The following ETFA variants were observed in gnomAD, a reference collection of about 807,000 sequenced individuals.
The protein encoded by ETFA is electron transfer flavoprotein subunit alpha.
In ETFA, 22 loss-of-function variants were observed where a neutral mutation model predicts 46.2. The observed-to-expected ratio is 0.48, with a 90% confidence interval of 0.34 to 0.68. ETFA has a LOEUF of 0.68. ETFA is among the 30% of genes least tolerant of loss of function. The pLI, the probability that ETFA is intolerant of heterozygous loss-of-function variation, is 0.01. For synonymous variants in ETFA, 131 were observed against 139.9 expected (o/e 0.94, Z 0.45); for missense variants, 345 against 401.1 (o/e 0.86, Z 1.19).
chr15:76,259,823 G>A, intron 9 of ETFA: 1 of 1,561,682 alleles, frequency 6.4e-7, no homozygotes, highest in Non-Finnish European at 8.8e-7. Flanking sequence ...CCGGATCAGG[G>A]TAAAGGGGTT....
At chr15:76,303,966 A>G (rs1185338170) in intron 1 of ETFA, among the ~76,000 whole-genome samples, 1 of 152,246 alleles carries the variant, frequency 6.6e-6, no homozygotes, top group African/African-American at 2.4e-5. Context: ...GAACCATTCT[A>G]CCATAAAGAT....
At chr15:76,221,275 C>T (rs2038953705) in intron 11 of ETFA, among the ~76,000 whole-genome samples, 1 of 152,120 alleles carries the variant, frequency 6.6e-6, no homozygotes, top group Non-Finnish European at 1.5e-5. Flanking sequence ...CCAGGACTGG[C>T]CAATGTATAG....
intron 9 of ETFA, among the ~76,000 whole-genome samples, chr15:76,267,707 A>C (rs1250811239): frequency 6.6e-6 from 1 of 152,242 alleles, no homozygotes. Context: ...ATGCAATTGC[A>C]TTTAGCTTTA....
chr15:76,291,665 G>A (rs2141538892), intron 4 of ETFA, among the ~76,000 whole-genome samples: 3 of 152,030 alleles, frequency 2.0e-5, no homozygotes, highest in Admixed American at 2.0e-4. Flanking sequence ...CAGGAGAATG[G>A]CGTGAACCCC....
chr15:76,275,390 G>A (rs191506491), intron 8 of ETFA, among the ~76,000 whole-genome samples: 1 of 152,164 alleles, frequency 6.6e-6, no homozygotes, highest in East Asian at 1.9e-4. Context: ...ACTTTAAATT[G>A]GCTCCATCTG....
At chr15:76,274,576 G>A in intron 8 of ETFA, 82 bp from the exon 9 acceptor site, 1 of 1,107,770 alleles carries the variant, frequency 9.0e-7, no homozygotes, top group Non-Finnish European at 1.3e-6. Context: ...TGTAAACAAA[G>A]ACATTGATTT....
chr15:76,274,459 C>G lies in ETFA; in HGVS notation c.769G>C (p.Val257Leu). 6.2e-7 allele frequency: 1 copy of G among 1,612,194 alleles called. No homozygotes were observed. The highest frequency in any genetic ancestry group is 8.5e-7 in the Non-Finnish European group (1 of 1,178,942). Residue 257 changes from valine (V) to leucine (L), a missense_variant, in exon 9 of 12, where the codon GTT becomes CTT. Physicochemically the swap from Val to Leu is conservative, Grantham distance 32. Coordinates refer to ENST00000557943, the MANE Select transcript of ETFA (RefSeq NM_000126.4). ...TGTCCAACTTGCATGTCATTGGGAACAAAGCCAGCATCAACAGCAGCACGG... is the reference window on the plus strand; with the variant it reads ...TGTCCAACTTGCATGTCATTGGGAAGAAAGCCAGCATCAACAGCAGCACGG... Reference protein sequence around the residue: ...ASRAAVDAGFVPNDMQVGQTG... With the variant: ...ASRAAVDAGFLPNDMQVGQTG...
rs1596191219 is a variant in ETFA at position 76,231,360 on chromosome 15, T to C, written c.855A>G (p.Gln285=). ...YIAVGISGAI[Q]HLAGMKDSKT... Reference sequence around the variant, plus strand: ...TGCTGTCTTTCATCCCAGCTAAATGTTGGATGGCTCCAGATATTCCAACAG... The same window carrying C: ...TGCTGTCTTTCATCCCAGCTAAATGCTGGATGGCTCCAGATATTCCAACAG... The change falls in exon 10 of 12, where the codon CAA becomes CAG. Residue 285 remains glutamine, a synonymous_variant. Coordinates refer to ENST00000557943, the MANE Select transcript of ETFA (RefSeq NM_000126.4). 2 of 1,608,008 alleles carry C rather than the reference T, an allele frequency of 1.2e-6. No homozygotes were observed. The highest frequency in any genetic ancestry group is 1.7e-6 in the Non-Finnish European group (2 of 1,174,436).
chr15:76,284,626 G>A (rs577708941), intron 7 of ETFA, among the ~76,000 whole-genome samples: 63 of 152,008 alleles, frequency 4.1e-4, no homozygotes, highest in African/African-American at 1.5e-3. Flanking sequence ...GAGTAGCTGG[G>A]ACTACTGGCA....
intron 1 of ETFA, among the ~76,000 whole-genome samples, chr15:76,303,555 T>C (rs1392971043): frequency 1.3e-5 from 2 of 152,000 alleles, no homozygotes; most frequent in African/African-American, 4.8e-5. Flanking sequence ...AAAAAAAATC[T>C]GCAAACTATG....
intron 10 of ETFA, chr15:76,227,792 C>A (rs961134590): frequency 4.4e-6 from 2 of 455,896 alleles, no homozygotes; most frequent in African/African-American, 2.0e-5. Flanking sequence ...AAAATACAGG[C>A]TACAGGATAT....
chr15:76,229,435 T>TAC (rs1269221641), intron 10 of ETFA, among the ~76,000 whole-genome samples: 1 of 152,212 alleles, frequency 6.6e-6, no homozygotes, highest in Admixed American at 6.5e-5. Context: ...TGACGTACAC[T>TAC]ACCTAGTGTC....
chr15:76,310,180 C>T (rs2039980773), intron 1 of ETFA: 2 of 155,518 alleles, frequency 1.3e-5, no homozygotes, highest in African/African-American at 4.9e-5. Context: ...TGGGAGGCGA[C>T]GGTTGCAGTG....
Position 76,292,467 on chromosome 15 carries a change from G to A in ETFA, c.315C>T (p.Tyr105=). 1 of 1,613,784 alleles carries A rather than the reference G, an allele frequency of 6.2e-7. No individual in the cohort carries two copies. The highest frequency in any genetic ancestry group is 8.5e-7 in the Non-Finnish European group (1 of 1,179,644). The change falls in exon 4 of 12, where the codon TAC becomes TAT. Residue 105 remains tyrosine, a synonymous_variant. Coordinates refer to ENST00000557943, the MANE Select transcript of ETFA (RefSeq NM_000126.4). ...CAGATGCTCCAGCACAGATGTGTGT[G>A]TAATTGAACTGCTTCTGAGTTGCCA... ...LILATQKQFN[Y]THICAGASAF... is the part of the protein sequence containing the mutation.
chr15:76,289,806 C>T (rs900689643), intron 4 of ETFA, among the ~76,000 whole-genome samples: 6 of 152,158 alleles, frequency 3.9e-5, no homozygotes, highest in African/African-American at 9.7e-5. Flanking sequence ...ATTTACAGGC[C>T]GCACGACCAG....
At chr15:76,305,758 C>T (rs745401821) in intron 1 of ETFA, among the ~76,000 whole-genome samples, 1 of 152,200 alleles carries the variant, frequency 6.6e-6, no homozygotes, top group Non-Finnish European at 1.5e-5. Context: ...CTGGCTTTCA[C>T]CTTCACAACA....
intron 11 of ETFA, chr15:76,217,755 G>A (rs941212555): frequency 1.3e-5 from 5 of 371,526 alleles, no homozygotes; most frequent in African/African-American, 8.4e-5. Context: ...AGTCTTCCAA[G>A]GGGCTTTCGG....
chr15:76,292,197 T>G (rs1372784329), intron 4 of ETFA, among the ~76,000 whole-genome samples: 1 of 152,214 alleles, frequency 6.6e-6, no homozygotes. Flanking sequence ...CAGAAAATTT[T>G]AAAATAATAG....
intron 2 of ETFA, among the ~76,000 whole-genome samples, chr15:76,292,982 C>T (rs2039782472): frequency 1.3e-5 from 2 of 151,966 alleles, no homozygotes; most frequent in Non-Finnish European, 2.9e-5. Flanking sequence ...ACTAAAAATA[C>T]AAAAATTAGC....
Sources: gnomAD v4.1 joint callset for allele counts (sites outside exome capture counted in the v4.1 genomes callset) on GRCh38, gnomAD v4.1.1 for gene constraint, MANE v1.5 for transcripts, NCBI Gene and HGNC (gene_info 2026-07-23, HGNC 2026-07-21) for gene names.